RRM2: variants seen among roughly 807,000 people sequenced by gnomAD.
RRM2 encodes ribonucleotide reductase regulatory subunit M2, also known as ribonucleoside-diphosphate reductase subunit M2.
RRM2 carries 6 observed loss-of-function variants against 45.9 expected under a neutral mutation model. The observed-to-expected ratio is 0.13, with a 90% CI of 0.07 to 0.26. The LOEUF is 0.26. Among genes scored for constraint, RRM2 ranks in the 10% least tolerant of loss-of-function variants. RRM2 has a pLI of 1.00. For synonymous variants in RRM2, 177 were observed against 173.0 expected, an observed-to-expected ratio of 1.02 and a Z score of -0.18; for missense variants, 343 against 489.5, an observed-to-expected ratio of 0.70 and a Z score of 2.82.
chr2:10,141,593 G>A, exon 1 of RRM2: 1 of 492,582 alleles, frequency 2.0e-6, no homozygotes, highest in South Asian at 2.3e-5. Flanking sequence ...GTCTGGTCTT[G>A]GAGTCAAGAA....
At chr2:10,187,073 G>A (rs558415671) in intron 3 of RRM2, among the ~76,000 whole-genome samples, 6 of 152,244 alleles carry the variant, frequency 3.9e-5, no homozygotes, top group Non-Finnish European at 8.8e-5. Flanking sequence ...CCTTTGCCCA[G>A]CCTCCTGGTC....
rs771988899 is a variant in RRM2, at chr2:10,126,870, A to C, written c.570-5A>C. The stretch of plus-strand genomic sequence containing the variant: ...TCAATTGCTGATACCGTATGTGCCT[A>C]CTAGGGAATTTCTCTTCAATGCCAT... On this transcript the variant is annotated splice_polypyrimidine_tract_variant and splice_region_variant and intron_variant, in intron 5 of 9. Coordinates refer to ENST00000304567, the MANE Select transcript of RRM2 (RefSeq NM_001034.4). 4 of 1,611,018 alleles carry C rather than the reference A, an allele frequency of 2.5e-6. No individual in the cohort carries two copies. Among genetic ancestry groups the C allele is most frequent in the South Asian group, 2.2e-5 (2 of 90,792 alleles).
chr2:10,139,223 C>T (rs942921406), upstream of RRM2, among the ~76,000 whole-genome samples: 2 of 152,222 alleles, frequency 1.3e-5, no homozygotes, highest in African/African-American at 4.8e-5. Flanking sequence ...TAGTCACTCC[C>T]TGTCTCCCGT....
At chr2:10,135,613 G>T (rs2125310193), downstream of RRM2, among the ~76,000 whole-genome samples, 1 of 152,196 alleles carries the variant, frequency 6.6e-6, no homozygotes, top group African/African-American at 2.4e-5. Context: ...AAATAGGATG[G>T]TAGAAATAAA....
chr2:10,174,722 C>T (rs932700087), intron 3 of RRM2, among the ~76,000 whole-genome samples: 3 of 152,028 alleles, frequency 2.0e-5, no homozygotes, highest in African/African-American at 7.2e-5. Context: ...TAAAACTTAG[C>T]CAGGCGTGGT....
At chr2:10,148,051 G>A (rs1663227184) in intron 3 of RRM2, among the ~76,000 whole-genome samples, 2 of 150,702 alleles carry the variant, frequency 1.3e-5, no homozygotes, top group African/African-American at 4.9e-5. Flanking sequence ...GGCTGAGGCA[G>A]GAGAATTGCT....
Position 10,205,585 on chromosome 2 carries a change from G to T in RRM2, n.483-4726G>T, listed in dbSNP as rs558177240. Among the ~76,000 whole-genome samples, 1 of 152,216 alleles carries T rather than the reference G, an allele frequency of 6.6e-6. No homozygotes were observed. Among genetic ancestry groups the T allele is most frequent in the South Asian group, 2.1e-4 (1 of 4,834 alleles). ...ATGGAAAGGGAGAGAGATACCTTCC[G>T]TTTCAAGGAATATGCAGTTTGGATG... On this transcript the variant is annotated intron_variant and non_coding_transcript_variant, in intron 3 of 3. Transcript: ENST00000381786. This position sits in a 1 kb window ranked among gnomAD's most constrained non-coding sequence, Gnocchi z 4.8.
chr2:10,159,355 G>A (rs1035679131), intron 3 of RRM2, among the ~76,000 whole-genome samples: 1 of 152,202 alleles, frequency 6.6e-6, no homozygotes, highest in Non-Finnish European at 1.5e-5. Context: ...TGGGAATGTC[G>A]CTGAGTCTTT....
chr2:10,196,132 A>G (rs1221355121), intron 3 of RRM2, among the ~76,000 whole-genome samples: 2 of 152,048 alleles, frequency 1.3e-5, no homozygotes, highest in African/African-American at 4.8e-5. Context: ...CTCACCCTGT[A>G]TTTCCTCTGG....
chr2:10,187,114 G>T (rs1664186556), intron 3 of RRM2, among the ~76,000 whole-genome samples: 1 of 152,220 alleles, frequency 6.6e-6, no homozygotes, highest in Admixed American at 6.5e-5. Context: ...TTTCCTGCCG[G>T]AGTGCTGGTC....
At chr2:10,164,870 G>T (rs1200940231) in intron 3 of RRM2, among the ~76,000 whole-genome samples, 1 of 152,230 alleles carries the variant, frequency 6.6e-6, no homozygotes, top group African/African-American at 2.4e-5. Flanking sequence ...GCGCACGGGG[G>T]AAGGCTGCCA....
intron 3 of RRM2, among the ~76,000 whole-genome samples, chr2:10,208,486 C>T (rs1664701533): frequency 1.3e-5 from 2 of 152,148 alleles, no homozygotes; most frequent in Admixed American, 6.5e-5. Flanking sequence ...GCTTCCTATA[C>T]ACATGTTAAA....
chr2:10,151,141 T>G (rs989163611), intron 3 of RRM2, among the ~76,000 whole-genome samples: 1 of 152,048 alleles, frequency 6.6e-6, no homozygotes, highest in Non-Finnish European at 1.5e-5. Flanking sequence ...GTCCATCAGT[T>G]GTATATAACA....
chr2:10,172,767 T>A lies in RRM2; in HGVS notation n.482+30392T>A, dbSNP rs1663829688. On this transcript the variant is annotated intron_variant and non_coding_transcript_variant, in intron 3 of 3. Transcript: ENST00000381786. This position sits in a 1 kb window ranked among gnomAD's most constrained non-coding sequence, Gnocchi z 4.9. Reference sequence around the variant, plus strand: ...CCCACATCAGTTGCAAAATGCAATGTGGGGCCCTTTGTTGAAAAACAATGA... The same window carrying A: ...CCCACATCAGTTGCAAAATGCAATGAGGGGCCCTTTGTTGAAAAACAATGA... Among the ~76,000 whole-genome samples the A allele has an allele frequency of 6.6e-6, 1 of 152,326 alleles. No homozygotes were observed. Among genetic ancestry groups the A allele is most frequent in the Non-Finnish European group, 1.5e-5 (1 of 68,030 alleles).
At position 10,169,606 on chromosome 2, in the gene RRM2, A is replaced by G. The variant is rs1663754386; in HGVS notation, n.482+27231A>G. 6.6e-6 allele frequency among the ~76,000 whole-genome samples: 1 copy of G among 152,126 alleles called. No homozygotes were observed. Among genetic ancestry groups the G allele is most frequent in the African/African-American group, 2.4e-5 (1 of 41,424 alleles). On this transcript the variant is annotated intron_variant and non_coding_transcript_variant, in intron 3 of 3. Coordinates refer to the RRM2 transcript ENST00000381786. The surrounding 1 kb of genome is among the most constrained non-coding windows in gnomAD (Gnocchi z 5.1). ...CTCCCCAGCAGAGGGAGGGCATTTG[A>G]AGACGGCGGCTGCTCCTTGGAAGCT...
chr2:10,205,205 G>T lies in RRM2; in HGVS notation n.483-5106G>T, dbSNP rs1016464556. On this transcript the variant is annotated intron_variant and non_coding_transcript_variant, in intron 3 of 3. Coordinates refer to the RRM2 transcript ENST00000381786. The surrounding 1 kb of genome is among the most constrained non-coding windows in gnomAD (Gnocchi z 4.8). The stretch of plus-strand genomic sequence containing the variant: ...ACTTAGAGAAATGAGGAGGGGGCGT[G>T]GAGCAGGGGCTGAGGCCTGAGCGGT... Among the ~76,000 whole-genome samples the T allele has an allele frequency of 2.6e-5, 4 of 152,210 alleles. No individual in the cohort carries two copies. Among genetic ancestry groups the T allele is most frequent in the African/African-American group, 9.7e-5 (4 of 41,450 alleles).
At chr2:10,132,941 G>GTTGATCCCTAGCC (rs1662927654), downstream of RRM2, among the ~76,000 whole-genome samples, 1 of 152,104 alleles carries the variant, frequency 6.6e-6, no homozygotes, top group African/African-American at 2.4e-5. Context: ...AGAGAGTTGA[G>GTTGATCCCTAGCC]TGGTCAGGCT....
In RRM2 at chr2:10,172,463, C is replaced by T. The variant is rs950843195; in HGVS notation, n.482+30088C>T. ...GGCTCAACCGAGAGCTGAGGGAAGA[C>T]GGTGAAGGCCCTTTTGTTTTTAGTT... On this transcript the variant is annotated intron_variant and non_coding_transcript_variant, in intron 3 of 3. Transcript: ENST00000381786. The surrounding 1 kb of genome is among the most constrained non-coding windows in gnomAD (Gnocchi z 4.9). Among the ~76,000 whole-genome samples, 5 of 152,164 alleles carry T rather than the reference C, an allele frequency of 3.3e-5. No homozygotes were observed. The highest frequency in any genetic ancestry group is 5.9e-5 in the Non-Finnish European group (4 of 68,028).
At chr2:10,152,017 C>G (rs980314420) in intron 3 of RRM2, among the ~76,000 whole-genome samples, 2 of 151,856 alleles carry the variant, frequency 1.3e-5, no homozygotes, top group Non-Finnish European at 2.9e-5. Context: ...GGCCCCATCT[C>G]GGCTCACTGC....
Sources: gnomAD v4.1 joint callset for allele counts (sites outside exome capture counted in the v4.1 genomes callset) on GRCh38, gnomAD v4.1.1 for gene constraint, Gnocchi (gnomAD v3.1) non-coding constraint, MANE v1.5 for transcripts, NCBI Gene and HGNC (gene_info 2026-07-23, HGNC 2026-07-21) for gene names.